The following SETBP1 variants were observed in gnomAD, a reference collection of about 807,000 sequenced individuals.
The protein encoded by SETBP1 is SET binding protein 1, also known as SET-binding protein.
In SETBP1, 9 loss-of-function variants were observed where a neutral mutation model predicts 101.0. That is an observed-to-expected ratio of 0.09 (90% CI 0.05 to 0.16). SETBP1 has a LOEUF of 0.16. Ranked by LOEUF, SETBP1 falls within the 10% of genes least tolerant of loss-of-function variation. SETBP1 has a pLI of 1.00. For synonymous variants in SETBP1, 818 were observed against 788.5 expected, an observed-to-expected ratio of 1.04 and a Z score of -0.63; for missense variants, 1,858 against 2,033.8, an observed-to-expected ratio of 0.91 and a Z score of 1.66.
chr18:44,903,503 G>A (rs866535331), intron 3 of SETBP1, among the ~76,000 whole-genome samples: 1 of 152,176 alleles, frequency 6.6e-6, no homozygotes, highest in Non-Finnish European at 1.5e-5. Context: ...TCTACAGAGA[G>A]TCCAAGATGA....
At chr18:44,762,377 G>A (rs2070671142) in intron 2 of SETBP1, among the ~76,000 whole-genome samples, 1 of 152,166 alleles carries the variant, frequency 6.6e-6, no homozygotes, top group Non-Finnish European at 1.5e-5. Flanking sequence ...GCACATACAG[G>A]TTTACATTTT....
intron 2 of SETBP1, among the ~76,000 whole-genome samples, chr18:44,730,879 C>G (rs1015023925): frequency 2.0e-5 from 3 of 152,234 alleles, no homozygotes; most frequent in African/African-American, 7.2e-5. Flanking sequence ...GGCATTAAAA[C>G]TAGAGCCATT....
intron 3 of SETBP1, chr18:44,877,317 C>G: frequency 1.3e-6 from 1 of 792,538 alleles, no homozygotes; most frequent in Non-Finnish European, 1.5e-6. Flanking sequence ...GGATTAAGGA[C>G]AAAGTATCTG....
At chr18:44,874,270 T>A (rs951825666) in intron 3 of SETBP1, among the ~76,000 whole-genome samples, 2 of 152,246 alleles carry the variant, frequency 1.3e-5, no homozygotes, top group African/African-American at 4.8e-5. Context: ...TCAGTCCATA[T>A]TCAGACTTTT....
intron 3 of SETBP1, among the ~76,000 whole-genome samples, chr18:44,914,741 C>A (rs1256420446): frequency 6.6e-6 from 1 of 152,008 alleles, no homozygotes; most frequent in Non-Finnish European, 1.5e-5. Flanking sequence ...TGACCCACCC[C>A]CTCATGTTAT....
At chr18:44,726,461 T>A (rs2069708654) in intron 2 of SETBP1, among the ~76,000 whole-genome samples, 1 of 152,254 alleles carries the variant, frequency 6.6e-6, no homozygotes, top group Admixed American at 6.5e-5. Flanking sequence ...CTTACTGTTC[T>A]CATTTTGCTG....
intron 2 of SETBP1, among the ~76,000 whole-genome samples, chr18:44,742,031 G>T (rs1281462936): frequency 6.6e-6 from 1 of 152,226 alleles, no homozygotes; most frequent in Non-Finnish European, 1.5e-5. Context: ...TGTCTGGGCA[G>T]TGCACATTAC....
At chr18:44,991,195 G>T (rs995992190) in intron 4 of SETBP1, among the ~76,000 whole-genome samples, 2 of 139,418 alleles carry the variant, frequency 1.4e-5, no homozygotes, top group Non-Finnish European at 3.0e-5. Flanking sequence ...GTAAACCAAG[G>T]TTGCGCCACT....
intron 4 of SETBP1, 43 bp downstream of exon 4, chr18:44,953,383 A>C: frequency 6.4e-7 from 1 of 1,555,614 alleles, no homozygotes; most frequent in Non-Finnish European, 8.8e-7. Context: ...AAGTTATTTC[A>C]TTGCTGGGCT....
At chr18:44,803,560 T>C (rs1252045936) in intron 2 of SETBP1, among the ~76,000 whole-genome samples, 1 of 152,164 alleles carries the variant, frequency 6.6e-6, no homozygotes, top group Non-Finnish European at 1.5e-5. Context: ...GATTACTCTT[T>C]CTTTTCACTT....
At chr18:44,989,413 GACAGAAA>G (rs2072307276) in intron 4 of SETBP1, among the ~76,000 whole-genome samples, 1 of 152,090 alleles carries the variant, frequency 6.6e-6, no homozygotes, top group South Asian at 2.1e-4. Context: ...ATGTAATATA[GACAGAAA>G]ACAGTAGAAA....
At chr18:44,913,448 G>A (rs1241682652) in intron 3 of SETBP1, among the ~76,000 whole-genome samples, 2 of 152,194 alleles carry the variant, frequency 1.3e-5, no homozygotes, top group Non-Finnish European at 1.5e-5. Context: ...ATGCAGTGAG[G>A]GTCCTGAGAA....
At chr18:44,921,131 A>G (rs535961345) in intron 3 of SETBP1, among the ~76,000 whole-genome samples, 2 of 152,338 alleles carry the variant, frequency 1.3e-5, no homozygotes, top group East Asian at 1.9e-4. Flanking sequence ...AAATTCTACA[A>G]TAGTTTTGTT....
At chr18:44,980,909 C>T (rs1218351988) in intron 4 of SETBP1, among the ~76,000 whole-genome samples, 3 of 152,234 alleles carry the variant, frequency 2.0e-5, no homozygotes, top group East Asian at 1.9e-4. Context: ...TTTTGGCCTT[C>T]GCAGATCAGT....
chr18:45,002,964 C>T (rs1285730066), intron 4 of SETBP1, among the ~76,000 whole-genome samples: 1 of 152,072 alleles, frequency 6.6e-6, no homozygotes, highest in African/African-American at 2.4e-5. Context: ...GAGCTGAGCA[C>T]CTTGGTATAT....
At chr18:44,925,970 T>G (rs2070696618) in intron 3 of SETBP1, among the ~76,000 whole-genome samples, 1 of 152,056 alleles carries the variant, frequency 6.6e-6, no homozygotes, top group Admixed American at 6.6e-5. Flanking sequence ...CAAATAAAAT[T>G]AAGACCCTCA....
At chr18:45,040,718 A>G (rs2073491591) in intron 5 of SETBP1, among the ~76,000 whole-genome samples, 1 of 152,210 alleles carries the variant, frequency 6.6e-6, no homozygotes, top group Non-Finnish European at 1.5e-5. Flanking sequence ...AAATATGCCA[A>G]ATGGGCAGTA....
intron 2 of SETBP1, among the ~76,000 whole-genome samples, chr18:44,741,124 T>A (rs1390212315): frequency 6.6e-6 from 1 of 152,250 alleles, no homozygotes; most frequent in Non-Finnish European, 1.5e-5. Context: ...ATATTTTCAT[T>A]CATTCAGTGA....
At chr18:44,909,785 G>A (rs1476878508) in intron 3 of SETBP1, among the ~76,000 whole-genome samples, 2 of 152,304 alleles carry the variant, frequency 1.3e-5, no homozygotes, top group South Asian at 2.1e-4. Context: ...TTAAAGGGGA[G>A]TATGTCCAGG....
Sources: allele counts gnomAD v4.1 joint callset (sites outside exome capture counted in the v4.1 genomes callset), GRCh38; gene constraint gnomAD v4.1.1; transcripts MANE v1.5; gene names NCBI Gene and HGNC (gene_info 2026-07-23, HGNC 2026-07-21).